Variants in CPAMD8 observed in about 807,000 individuals in gnomAD.
The protein encoded by CPAMD8 is C3 and PZP like alpha-2-macroglobulin domain containing 8.
CPAMD8 carries 146 observed loss-of-function variants against 224.7 expected under a neutral mutation model. That is an observed-to-expected ratio of 0.65 (90% CI 0.57 to 0.75). The LOEUF (loss-of-function observed/expected upper bound fraction) is 0.75. CPAMD8 is among the 30% of genes least tolerant of loss of function. The pLI, the probability that CPAMD8 is intolerant of heterozygous loss-of-function variation, is 0.00. For synonymous variants in CPAMD8, 966 were observed against 1,044.6 expected (o/e 0.92, Z 1.45); for missense variants, 2,301 against 2,537.5 (o/e 0.91, Z 2.00).
chr19:16,951,994 T>C lies in CPAMD8; in HGVS notation c.2483A>G (p.Tyr828Cys), dbSNP rs1272891764. 6.3e-7 allele frequency: 1 copy of C among 1,579,012 alleles called. No homozygotes were observed. Among genetic ancestry groups the C allele is most frequent in the Non-Finnish European group, 8.6e-7 (1 of 1,161,142 alleles). Reference sequence around the variant, plus strand: ...CTCAGCGCAGGTGCCCATGTAGTTGTAGACACTGAGCGGGATCTTGACCTG... The same window carrying C: ...CTCAGCGCAGGTGCCCATGTAGTTGCAGACACTGAGCGGGATCTTGACCTG... ...GEQVKIPLSV[Y>C]NYMGTCAEVY... Residue 828 changes from tyrosine to cysteine, a missense_variant, in exon 20 of 42, where the codon TAC becomes TGC. By Grantham distance (194) the Tyr-to-Cys change is radical. This residue lies in a region of CPAMD8 where 1,709 missense variants were observed against 1,753.2 expected (regional missense o/e 0.97). Transcript: ENST00000443236.
intron 14 of CPAMD8, among the ~76,000 whole-genome samples, chr19:16,980,130 G>A (rs1253465666): frequency 6.6e-6 from 1 of 152,166 alleles, no homozygotes; most frequent in Admixed American, 6.5e-5. Context: ...TCCCCTGGGA[G>A]GAGGGCCTTA....
intron 27 of CPAMD8, among the ~76,000 whole-genome samples, chr19:16,915,593 C>G (rs2052920962): frequency 6.6e-6 from 1 of 152,174 alleles, no homozygotes; most frequent in Admixed American, 6.5e-5. Flanking sequence ...TTTGCAGGTG[C>G]CACCCTGAGT....
chr19:16,994,688 TAA>T (rs35405291), intron 11 of CPAMD8, among the ~76,000 whole-genome samples: 1 of 151,318 alleles, frequency 6.6e-6, no homozygotes, highest in Non-Finnish European at 1.5e-5. Context: ...TGGCTAATTT[TAA>T]AAAAAAATCT....
At chr19:16,897,565 G>C (rs951769412) in intron 39 of CPAMD8, 126 bp downstream of exon 39, 2 of 598,580 alleles carry the variant, frequency 3.3e-6, no homozygotes, top group Admixed American at 6.4e-5. Flanking sequence ...TCTATGCTGC[G>C]TTCTCCTGAC....
intron 22 of CPAMD8, among the ~76,000 whole-genome samples, chr19:16,942,461 C>T (rs1242135654): frequency 1.3e-5 from 2 of 152,122 alleles, no homozygotes; most frequent in Non-Finnish European, 2.9e-5. Flanking sequence ...GACTCCATCC[C>T]CAAAACTAGT....
At chr19:17,013,551 C>G (rs984263868) in intron 3 of CPAMD8, 8 of 27,512 alleles carry the variant, frequency 2.9e-4, no homozygotes, top group Non-Finnish European at 4.9e-4. Flanking sequence ...ATAAAAATCA[C>G]AACACATATA....
At chr19:16,931,943 T>C (rs1452037005) in intron 23 of CPAMD8, among the ~76,000 whole-genome samples, 2 of 152,160 alleles carry the variant, frequency 1.3e-5, no homozygotes, top group African/African-American at 4.8e-5. Flanking sequence ...AAAGTCTTCC[T>C]CTATGAAAGC....
At chr19:16,904,442 C>T in intron 31 of CPAMD8, 24 bp downstream of exon 31, 4 of 1,613,936 alleles carry the variant, frequency 2.5e-6, no homozygotes, top group South Asian at 2.2e-5. Context: ...AAGGCAGGCA[C>T]CCGGGAGCTG....
At chr19:17,012,350 C>CTTTT (rs984597501) in intron 3 of CPAMD8, among the ~76,000 whole-genome samples, 6 of 74,330 alleles carry the variant, frequency 8.1e-5, no homozygotes, top group South Asian at 5.6e-4. Flanking sequence ...TTCTTTCTTT[C>CTTTT]TTTTTTTTTT....
In CPAMD8 at chr19:16,898,167, CAG is replaced by C. The variant is rs1223061786; in HGVS notation, c.4849-175_4849-174del. The C allele has an allele frequency of 1.0e-5, 6 of 574,384 alleles. No homozygotes were observed. Among genetic ancestry groups the C allele is most frequent in the Non-Finnish European group, 1.5e-5 (5 of 329,808 alleles). The allele number at this position is 574,384 out of a possible 1,614,324, so 35.6% of individuals were successfully genotyped here. A position where few individuals can be genotyped will look rare whatever the true frequency, so the allele number is the denominator to read the frequency against. On this transcript the variant is annotated intron_variant, in intron 37 of 41. Coordinates refer to ENST00000443236, the MANE Select transcript of CPAMD8 (RefSeq NM_015692.5). The surrounding 1 kb of genome is among the most constrained non-coding windows in gnomAD (Gnocchi z 4.2). ...TTCTTTTTTTTTTTTTTTCCTGAGA[CAG>C]AGTCTCGCGCTGTTGCCCAGGCTGG...
intron 22 of CPAMD8, among the ~76,000 whole-genome samples, chr19:16,940,300 A>G (rs754253093): frequency 2.0e-5 from 3 of 152,178 alleles, no homozygotes; most frequent in African/African-American, 4.8e-5. Flanking sequence ...AACCTATCCT[A>G]CAGATGTATG....
rs1017896107 is a variant in CPAMD8 at position 16,905,196 on chromosome 19, G to A, written c.4028-644C>T. Among the ~76,000 whole-genome samples, 316 of 151,924 alleles carry A rather than the reference G, an allele frequency of 2.1e-3. 8 individuals are homozygous for A. The highest frequency in any genetic ancestry group is 0.02 in the Admixed American group (301 of 15,236). Reference sequence around the variant, plus strand: ...GCAGAGGTTGCAGTGAGCCAATACCGAGCCACTGCACTCCACACTCCAGCC... The same window carrying A: ...GCAGAGGTTGCAGTGAGCCAATACCAAGCCACTGCACTCCACACTCCAGCC... On this transcript the variant is annotated intron_variant, in intron 30 of 41. Transcript: ENST00000443236.
Position 16,951,975 on chromosome 19 carries a change from G to T in CPAMD8, c.2502C>A (p.Cys834Ter). 1 of 1,559,592 alleles carries T rather than the reference G, an allele frequency of 6.4e-7. No homozygotes were observed. Among genetic ancestry groups the T allele is most frequent in the Non-Finnish European group, 8.7e-7 (1 of 1,147,312 alleles). Residue 834 changes from cysteine to a stop codon, truncating the protein, a stop_gained, in exon 20 of 42, where the codon TGC becomes TGA. Transcript: ENST00000443236. LOFTEE classifies it high-confidence loss of function. ...TATTTGGGGGGCTGAGTACCTCAGC[G>T]CAGGTGCCCATGTAGTTGTAGACAC... ...PLSVYNYMGT[C>*]AEVYMKLSVP...
rs1380166183 is a variant in CPAMD8 at position 16,898,448 on chromosome 19, T to C, written c.4849-454A>G. ...CATCCCACTGGGAAAACGTCTCAGG[T>C]GGCCTCTGAAACACCACTCCTTTTT... On this transcript the variant is annotated intron_variant, in intron 37 of 41. Transcript: ENST00000443236. This position sits in a 1 kb window ranked among gnomAD's most constrained non-coding sequence, Gnocchi z 4.2. 6.6e-6 allele frequency among the ~76,000 whole-genome samples: 1 copy of C among 152,140 alleles called. No homozygotes were observed. Among genetic ancestry groups the C allele is most frequent in the Non-Finnish European group, 1.5e-5 (1 of 68,012 alleles).
In CPAMD8 at chr19:16,904,519, CA is replaced by C; in HGVS notation, c.4060del (p.Trp1354GlyfsTer9). The stretch of plus-strand genomic sequence containing the variant: ...CAAGAATGTGCCCTTGTCCACGTCC[CA>C]GGAATTTGACAGGCTCCAGTGGGTG... ...GVTHWSLSNSWDVDKGTFLSF... is the reference protein window; with the variant it reads ...GVTHWSLSNSXDVDKGTFLSF... On this transcript the variant is annotated frameshift_variant, in exon 31 of 42. Transcript: ENST00000443236. LOFTEE classifies it high-confidence loss of function. The C allele has an allele frequency of 6.2e-7, 1 of 1,614,112 alleles. No homozygotes were observed.
chr19:16,954,752 AG>A (rs944353458), intron 19 of CPAMD8, among the ~76,000 whole-genome samples: 2 of 152,182 alleles, frequency 1.3e-5, no homozygotes, highest in Admixed American at 1.3e-4. Context: ...TGGGAGGCCG[AG>A]GGGGGTGGAT....
intron 10 of CPAMD8, among the ~76,000 whole-genome samples, chr19:16,998,109 A>G (rs2056194659): frequency 6.6e-6 from 1 of 152,224 alleles, no homozygotes. Context: ...TGCCAGTGTC[A>G]GGAATGGGAA....
chr19:16,967,940 T>TGCGC (rs2054915918), intron 18 of CPAMD8, among the ~76,000 whole-genome samples: 1 of 148,930 alleles, frequency 6.7e-6, no homozygotes, highest in Admixed American at 6.6e-5. Flanking sequence ...TGTATATATA[T>TGCGC]ACATGTTGCT....
chr19:16,897,738 G>T lies in CPAMD8; in HGVS notation c.5018C>A (p.Ala1673Asp). The change falls in exon 39 of 42, where the codon GCC (alanine) becomes GAC (aspartate). Residue 1673 changes from alanine to aspartate, a missense_variant. By Grantham distance (126) the Ala-to-Asp change is moderately radical. Coordinates refer to ENST00000443236, the MANE Select transcript of CPAMD8 (RefSeq NM_015692.5). The part of the protein sequence containing the change: ...THSPLARELC[A>D]GPACNEVERA... The stretch of plus-strand genomic sequence containing the variant: ...CTCCACTTCGTTGCACGCGGGTCCG[G>T]CGCACAGTTCCCGGGCGAGTGGGCT... 1 of 1,574,628 alleles carries T rather than the reference G, an allele frequency of 6.4e-7. No individual in the cohort carries two copies. Among genetic ancestry groups the T allele is most frequent in the Non-Finnish European group, 8.6e-7 (1 of 1,162,978 alleles).
Sources: allele counts gnomAD v4.1 joint callset (sites outside exome capture counted in the v4.1 genomes callset), GRCh38; gene constraint gnomAD v4.1.1; regional missense constraint gnomAD v4.1.1; non-coding constraint Gnocchi (gnomAD v3.1); transcripts MANE v1.5; gene names NCBI Gene and HGNC (gene_info 2026-07-23, HGNC 2026-07-21).